The following TRPV2 variants were observed in gnomAD, a reference collection of about 807,000 sequenced individuals.
TRPV2 encodes transient receptor potential cation channel subfamily V member 2, also known as OTRPC2.
In TRPV2, 58 loss-of-function variants were observed where a neutral mutation model predicts 91.0. The observed-to-expected ratio is 0.64, with a 90% CI of 0.52 to 0.79. The LOEUF (loss-of-function observed/expected upper bound fraction) is 0.79, where lower values mean the gene tolerates loss of function less well. Ranked by LOEUF, TRPV2 falls within the 30% of genes least tolerant of loss-of-function variation. The pLI, the probability that TRPV2 is intolerant of heterozygous loss-of-function variation, is 0.00. For missense variants in TRPV2, 807 were observed against 969.6 expected, an observed-to-expected ratio of 0.83 and a Z score of 2.23; for synonymous variants, 417 against 414.8, an observed-to-expected ratio of 1.01 and a Z score of -0.06.
At position 16,422,899 on chromosome 17, in the gene TRPV2, C is replaced by T. The variant is rs144035636; in HGVS notation, c.625+10C>T. On this transcript the variant is annotated intron_variant, in intron 4 of 14. Coordinates refer to ENST00000338560, the MANE Select transcript of TRPV2 (RefSeq NM_016113.5). ...ACTTGCTTTTATTTCGGTGAGTGAG[C>T]CTTTCTTGGATAAATCGAGGCAAAG... 90 of 1,555,106 alleles carry T rather than the reference C, an allele frequency of 5.8e-5. No individual in the cohort carries two copies. Among genetic ancestry groups the T allele is most frequent in the African/African-American group, 1.2e-4 (9 of 73,266 alleles).
At position 16,422,581 on chromosome 17, in the gene TRPV2, C is replaced by T. The variant is rs368027183; in HGVS notation, c.335-18C>T. ...GTCTCAGCACCACTGTGCCCCTTCCCCTCCCTTCTTCCCACAGAGGGCTCC... is the reference window on the plus strand; with the variant it reads ...GTCTCAGCACCACTGTGCCCCTTCCTCTCCCTTCTTCCCACAGAGGGCTCC... On this transcript the variant is annotated intron_variant, in intron 3 of 14. Transcript: ENST00000338560. 6.2e-5 allele frequency: 100 copies of T among 1,606,612 alleles called. No homozygotes were observed. The highest frequency in any genetic ancestry group is 1.8e-4 in the Middle Eastern group (1 of 5,420).
rs1230191367 is a variant in TRPV2, at chr17:16,422,785, G to A, written c.521G>A (p.Arg174Lys). The A allele has an allele frequency of 1.9e-6, 3 of 1,573,528 alleles. No individual in the cohort carries two copies. The highest frequency in any genetic ancestry group is 2.7e-5 in the African/African-American group (2 of 74,022). Residue 174 changes from arginine (R) to lysine (K), a missense_variant, in exon 4 of 15, where the codon AGG becomes AAG. Physicochemically the swap from Arg to Lys is conservative, Grantham distance 26 (BLOSUM62 2). Transcript: ENST00000338560. ...HSALHIAIEKRSLQCVKLLVE... is the reference protein window; with the variant it reads ...HSALHIAIEKKSLQCVKLLVE... ...GCTCTGCACATCGCCATTGAGAAGA[G>A]GAGTCTGCAGTGTGTGAAGCTCCTG...
rs1193149199 is a variant in TRPV2 at position 16,435,005 on chromosome 17, G to T, written c.2194+36G>T. ...TGGTGACTAGAGCCTCTGCCCTGGG[G>T]TGTGTGTCTCTGCTGCTTGGCCACA... On this transcript the variant is annotated intron_variant, in intron 14 of 14. Coordinates refer to ENST00000338560, the MANE Select transcript of TRPV2 (RefSeq NM_016113.5). The surrounding 1 kb of genome is among the most constrained non-coding windows in gnomAD (Gnocchi z 4.2). 1 of 1,572,462 alleles carries T rather than the reference G, an allele frequency of 6.4e-7. No homozygotes were observed. The highest frequency in any genetic ancestry group is 1.1e-5 in the South Asian group (1 of 87,722).
Position 16,436,841 on chromosome 17 carries a change from T to G in TRPV2, c.2247T>G (p.Gly749=), listed in dbSNP as rs1600998100. The G allele has an allele frequency of 6.2e-7, 1 of 1,614,086 alleles. No individual in the cohort carries two copies. The part of the protein sequence containing the change: ...LASPPKEDED[G]ASEENYVPVQ... The stretch of plus-strand genomic sequence containing the variant: ...CCCCTCCCAAGGAGGATGAGGATGG[T>G]GCCTCTGAGGAAAACTATGTGCCCG... Residue 749 remains glycine, a synonymous_variant, in exon 15 of 15, where the codon GGT becomes GGG. Transcript: ENST00000338560.
intron 7 of TRPV2, among the ~76,000 whole-genome samples, 184 bp from the exon 8 acceptor site, chr17:16,427,265 C>A (rs193051331): frequency 3.9e-5 from 6 of 152,248 alleles, no homozygotes; most frequent in Non-Finnish European, 8.8e-5. Context: ...AGACCCTACA[C>A]TGAAATGCTA....
intron 4 of TRPV2, 66 bp downstream of exon 4, chr17:16,422,955 G>T (rs896698267): frequency 6.6e-7 from 1 of 1,508,230 alleles, no homozygotes; most frequent in Non-Finnish European, 8.9e-7. Flanking sequence ...AGGTCACATG[G>T]TTAGTGTATG....
chr17:16,415,768 G>T lies in TRPV2; in HGVS notation c.-173G>T, dbSNP rs564061663. The T allele has an allele frequency of 2.6e-5, 4 of 152,498 alleles. No individual in the cohort carries two copies. Among genetic ancestry groups the T allele is most frequent in the African/African-American group, 7.2e-5 (3 of 41,570 alleles). 9.4% of individuals were successfully genotyped at this position (152,498 alleles called of 1,614,324 possible). A position where few individuals can be genotyped will look rare whatever the true frequency, so the allele number is the denominator to read the frequency against. On this transcript the variant is annotated 5_prime_UTR_variant, in exon 1 of 15. Transcript: ENST00000338560. The surrounding 1 kb of genome is among the most constrained non-coding windows in gnomAD (Gnocchi z 4.5). ...GCCCCTCCCGGCTTCACTTCCTCCC[G>T]CAGCCCCTGCTACTGAGAAGCTCCG...
At chr17:16,429,127 G>A (rs2093398493) in intron 10 of TRPV2, 145 bp downstream of exon 10, 2 of 903,158 alleles carry the variant, frequency 2.2e-6, no homozygotes, top group Non-Finnish European at 3.3e-6. Flanking sequence ...GGAAGCTTAA[G>A]TACAGGCCTG....
intron 1 of TRPV2, 106 bp from the exon 2 acceptor site, chr17:16,417,456 C>T (rs1321561606): frequency 2.0e-6 from 1 of 505,244 alleles, no homozygotes; most frequent in African/African-American, 1.9e-5. Context: ...GTTGGTCAGG[C>T]TGGTCTCTAA....
In TRPV2 at chr17:16,422,984, C is replaced by T. The variant is rs1180442210; in HGVS notation, c.625+95C>T. Reference sequence around the variant, plus strand: ...GTGTATGACAGAGCTGGCAGTTAAACCTAGGTTTTTCTGACCCCGATGCCC... The same window carrying T: ...GTGTATGACAGAGCTGGCAGTTAAATCTAGGTTTTTCTGACCCCGATGCCC... On this transcript the variant is annotated intron_variant, in intron 4 of 14. Transcript: ENST00000338560. 185 of 1,432,858 alleles carry T rather than the reference C, an allele frequency of 1.3e-4. No homozygotes were observed. The East Asian group carries it at 4.6e-3, about 35-fold the overall frequency. 88.8% of individuals were successfully genotyped at this position (1,432,858 alleles called of 1,614,324 possible). A position where few individuals can be genotyped will look rare whatever the true frequency, so the allele number is the denominator to read the frequency against.
At chr17:16,431,480 G>T (rs1231192886) in intron 10 of TRPV2, among the ~76,000 whole-genome samples, 1 of 151,120 alleles carries the variant, frequency 6.6e-6, no homozygotes, top group Admixed American at 6.6e-5. Context: ...TGTATTTTTA[G>T]TAGAAACGCG....
At chr17:16,424,803 T>G (rs2093375263) in intron 5 of TRPV2, among the ~76,000 whole-genome samples, 2 of 151,682 alleles carry the variant, frequency 1.3e-5, no homozygotes, top group Non-Finnish European at 1.5e-5. Flanking sequence ...TATACAGGAT[T>G]TAAAAATTTT....
rs1129235 is a variant in TRPV2, at chr17:16,422,691, A to T, written c.427A>T (p.Arg143Trp). The change falls in exon 4 of 15, where the codon AGG (arginine) becomes TGG (tryptophan). Residue 143 changes from arginine to tryptophan, a missense_variant. Coordinates refer to ENST00000338560, the MANE Select transcript of TRPV2 (RefSeq NM_016113.5). ...ACILPLLQID[R>W]DSGNPQPLVN... ...CATTCTGCCACTGCTGCAGATCGAC[A>T]GGGACTCTGGCAATCCTCAGCCCCT... 5 of 1,610,996 alleles carry T rather than the reference A, an allele frequency of 3.1e-6. No homozygotes were observed. The highest frequency in any genetic ancestry group is 3.4e-6 in the Non-Finnish European group (4 of 1,178,370).
At chr17:16,429,610 G>A (rs1050190136) in intron 10 of TRPV2, among the ~76,000 whole-genome samples, 1 of 152,188 alleles carries the variant, frequency 6.6e-6, no homozygotes, top group African/African-American at 2.4e-5. Context: ...AGACCTGAAA[G>A]AATGATTCAG....
At chr17:16,433,329 C>T in intron 12 of TRPV2, 1 of 469,902 alleles carries the variant, frequency 2.1e-6, no homozygotes, top group East Asian at 4.2e-5. Flanking sequence ...TACAGACTTC[C>T]CATCAGCTGT....
intron 7 of TRPV2, 57 bp from the exon 8 acceptor site, chr17:16,427,392 G>T (rs2093388363): frequency 6.6e-7 from 1 of 1,525,888 alleles, no homozygotes; most frequent in South Asian, 1.2e-5. Context: ...AGCTCTGAAG[G>T]GTGAGCTGTT....
At chr17:16,425,948 C>T (rs1465656776) in intron 5 of TRPV2, 151 bp from the exon 6 acceptor site, 2 of 787,056 alleles carry the variant, frequency 2.5e-6, no homozygotes, top group African/African-American at 3.5e-5. Context: ...TTTAGACAAA[C>T]AAGGACCTGC....
chr17:16,432,984 T>C (rs2093420261), intron 12 of TRPV2, among the ~76,000 whole-genome samples: 1 of 151,982 alleles, frequency 6.6e-6, no homozygotes. Context: ...TTTTTGTATT[T>C]AGTAGAGATA....
Position 16,423,630 on chromosome 17 carries a change from A to G in TRPV2, c.787A>G (p.Ile263Val). The G allele has an allele frequency of 3.1e-6, 5 of 1,614,114 alleles. No individual in the cohort carries two copies. Among genetic ancestry groups the G allele is most frequent in the Non-Finnish European group, 3.4e-6 (4 of 1,180,026 alleles). ...GATCTCGGACAACTCAGCTGAGAAC[A>G]TTGCACTGGTGACCAGCATGTATGA... Reference protein sequence around the residue: ...VMISDNSAENIALVTSMYDGL... With the variant: ...VMISDNSAENVALVTSMYDGL... The change falls in exon 5 of 15, where the codon ATT (isoleucine) becomes GTT (valine). Residue 263 changes from isoleucine to valine, a missense_variant. Physicochemically the swap from Ile to Val is conservative, Grantham distance 29. Coordinates refer to ENST00000338560, the MANE Select transcript of TRPV2 (RefSeq NM_016113.5).
Sources: allele counts gnomAD v4.1 joint callset (sites outside exome capture counted in the v4.1 genomes callset), GRCh38; gene constraint gnomAD v4.1.1; non-coding constraint Gnocchi (gnomAD v3.1); transcripts MANE v1.5; gene names NCBI Gene and HGNC (gene_info 2026-07-23, HGNC 2026-07-21).